The following SOX6 variants were observed in gnomAD, a reference collection of about 807,000 sequenced individuals.
SOX6 encodes transcription factor SOX-6.
Under a neutral mutation model 97.8 loss-of-function variants are expected in SOX6, and 11 were observed. The ratio of observed to expected loss-of-function variants is 0.11; its 90% CI spans 0.07 to 0.19. The LOEUF (loss-of-function observed/expected upper bound fraction) is 0.19. SOX6 is among the 10% of genes least tolerant of loss of function. The probability of loss-of-function intolerance (pLI) is 1.00; values close to 1 mark genes in which losing one functional copy is unlikely to be tolerated. For missense variants in SOX6, 810 were observed against 1,039.5 expected, an observed-to-expected ratio of 0.78 and a Z score of 3.04; for synonymous variants, 360 against 371.4, an observed-to-expected ratio of 0.97 and a Z score of 0.35.
At chr11:15,987,238 C>T (rs1374506125) in intron 14 of SOX6, among the ~76,000 whole-genome samples, 3 of 151,938 alleles carry the variant, frequency 2.0e-5, no homozygotes, top group African/African-American at 4.8e-5. Context: ...TGGATGTTAG[C>T]GATTCTTCAG....
chr11:16,363,115 G>C (rs1013218440), intron 1 of SOX6, among the ~76,000 whole-genome samples: 13 of 152,104 alleles, frequency 8.5e-5, no homozygotes, highest in Non-Finnish European at 4.4e-5. Flanking sequence ...TGCATTCTAA[G>C]TCAAATTAAA....
chr11:16,428,874 T>C (rs1415657479), intron 1 of SOX6, among the ~76,000 whole-genome samples: 1 of 152,204 alleles, frequency 6.6e-6, no homozygotes, highest in Non-Finnish European at 1.5e-5. Context: ...AAGTCATTGG[T>C]AGCTTGATGG....
chr11:16,156,942 C>G (rs1278388296), intron 6 of SOX6, among the ~76,000 whole-genome samples: 1 of 151,970 alleles, frequency 6.6e-6, no homozygotes, highest in African/African-American at 2.4e-5. Flanking sequence ...TGTTTACAGT[C>G]TCTATCTTCC....
intron 4 of SOX6, among the ~76,000 whole-genome samples, chr11:16,513,737 G>A (rs1860917030): frequency 1.3e-5 from 2 of 152,102 alleles, no homozygotes; most frequent in African/African-American, 4.8e-5. Context: ...ACAGTTCTTG[G>A]CATTACTTGA....
intron 3 of SOX6, among the ~76,000 whole-genome samples, chr11:16,634,363 T>C (rs1848753962): frequency 6.6e-6 from 1 of 150,792 alleles, no homozygotes; most frequent in Admixed American, 6.6e-5. Context: ...GCCTTAGGAA[T>C]TTGCATGGCA....
At chr11:16,026,656 T>G (rs1418927471) in intron 12 of SOX6, among the ~76,000 whole-genome samples, 1 of 152,124 alleles carries the variant, frequency 6.6e-6, no homozygotes, top group East Asian at 1.9e-4. Flanking sequence ...TTTTGTATAT[T>G]CTACTGTTAT....
chr11:16,048,921 C>T (rs56214661), intron 11 of SOX6, among the ~76,000 whole-genome samples: 3,649 of 152,112 alleles, frequency 0.024, 146 homozygotes, highest in African/African-American at 0.083. Flanking sequence ...CTGACAACTG[C>T]TTTCACATTT....
At chr11:15,990,766 C>T (rs541601765) in intron 13 of SOX6, among the ~76,000 whole-genome samples, 8 of 152,258 alleles carry the variant, frequency 5.3e-5, no homozygotes, top group East Asian at 3.9e-4. Flanking sequence ...GGAAAGTCTA[C>T]GCCCAGAAGT....
chr11:16,559,260 AAAGG>A (rs1847782929), intron 4 of SOX6, among the ~76,000 whole-genome samples: 1 of 152,136 alleles, frequency 6.6e-6, no homozygotes, highest in Admixed American at 6.6e-5. Context: ...AAACATCACA[AAAGG>A]AAGATGATAC....
At chr11:16,699,082 G>A (rs993188606) in intron 3 of SOX6, among the ~76,000 whole-genome samples, 28 of 152,180 alleles carry the variant, frequency 1.8e-4, no homozygotes, top group Admixed American at 1.7e-3. Context: ...CAAAGCACAA[G>A]AAAATGAGGT....
At chr11:16,706,169 G>A (rs759843996) in intron 3 of SOX6, among the ~76,000 whole-genome samples, 3 of 151,732 alleles carry the variant, frequency 2.0e-5, no homozygotes, top group Non-Finnish European at 2.9e-5. Flanking sequence ...GCTGGGTGCA[G>A]TAGCTCACAC....
At chr11:16,234,710 T>A in intron 3 of SOX6, 39 bp from the exon 4 acceptor site, 2 of 1,181,972 alleles carry the variant, frequency 1.7e-6, no homozygotes, top group East Asian at 5.3e-5. Flanking sequence ...AATATATATT[T>A]ATTACAAATT....
intron 6 of SOX6, among the ~76,000 whole-genome samples, chr11:16,131,836 T>C (rs529908183): frequency 1.1e-4 from 17 of 152,214 alleles, no homozygotes; most frequent in African/African-American, 4.1e-4. Context: ...CTATTTATTG[T>C]ATGATTCAAT....
chr11:16,264,617 G>A (rs1012048922), intron 3 of SOX6: 2 of 151,826 alleles, frequency 1.3e-5, no homozygotes, highest in Non-Finnish European at 2.9e-5. Flanking sequence ...AAAAGAAAGT[G>A]TATATGTTGT....
chr11:16,730,797 A>G (rs1253827800), intron 2 of SOX6, among the ~76,000 whole-genome samples: 1 of 152,206 alleles, frequency 6.6e-6, no homozygotes, highest in Non-Finnish European at 1.5e-5. Context: ...AAAAAATTCA[A>G]TAAATCCAGG....
intron 12 of SOX6, among the ~76,000 whole-genome samples, chr11:16,026,761 G>A (rs1365129642): frequency 6.6e-6 from 1 of 152,164 alleles, no homozygotes; most frequent in Admixed American, 6.6e-5. Flanking sequence ...GACTATGTCT[G>A]ATTGTGGAAG....
chr11:16,248,338 C>A (rs911885488), intron 3 of SOX6, among the ~76,000 whole-genome samples: 1 of 152,152 alleles, frequency 6.6e-6, no homozygotes. Flanking sequence ...CTCTACTAGG[C>A]AGTGCCCCAG....
intron 2 of SOX6, among the ~76,000 whole-genome samples, chr11:16,720,025 T>G (rs1848248255): frequency 1.3e-5 from 2 of 152,316 alleles, no homozygotes; most frequent in African/African-American, 4.8e-5. Context: ...TCCACCATGA[T>G]CAAGTGGGCT....
chr11:16,435,216 A>G (rs557113274), intron 1 of SOX6, among the ~76,000 whole-genome samples: 143 of 152,316 alleles, frequency 9.4e-4, no homozygotes, highest in African/African-American at 3.4e-3. Context: ...TTTCTGTGTT[A>G]AATCACATGA....
Sources: allele counts gnomAD v4.1 joint callset (sites outside exome capture counted in the v4.1 genomes callset), GRCh38; gene constraint gnomAD v4.1.1; transcripts MANE v1.5; gene names NCBI Gene and HGNC (gene_info 2026-07-23, HGNC 2026-07-21).